The following CAB39 variants were observed in gnomAD, a reference collection of about 807,000 sequenced individuals.
CAB39 encodes calcium-binding protein 39.
CAB39 carries 8 observed loss-of-function variants against 40.0 expected under a neutral mutation model. The ratio of observed to expected loss-of-function variants is 0.20; its 90% CI spans 0.12 to 0.36. CAB39 has a LOEUF of 0.36. Ranked by LOEUF, CAB39 falls within the 10% of genes least tolerant of loss-of-function variation. The probability of loss-of-function intolerance (pLI) is 1.00; values close to 1 mark genes in which losing one functional copy is unlikely to be tolerated. For synonymous variants in CAB39, 156 were observed against 141.6 expected, an observed-to-expected ratio of 1.10 and a Z score of -0.72; for missense variants, 270 against 401.1, an observed-to-expected ratio of 0.67 and a Z score of 2.79.
chr2:230,716,117 A>G (rs1013832923), intron 1 of CAB39, among the ~76,000 whole-genome samples: 3 of 152,150 alleles, frequency 2.0e-5, no homozygotes, highest in Non-Finnish European at 2.9e-5. Context: ...TATTAATAAG[A>G]TCTCTGTTTC....
At chr2:230,747,598 T>C (rs1011002903) in intron 1 of CAB39, among the ~76,000 whole-genome samples, 3 of 152,234 alleles carry the variant, frequency 2.0e-5, no homozygotes, top group African/African-American at 4.8e-5. Context: ...TTTGCAGTTA[T>C]GCATAAATCT....
intron 1 of CAB39, among the ~76,000 whole-genome samples, chr2:230,740,509 G>A (rs556071253): frequency 6.6e-6 from 1 of 152,188 alleles, no homozygotes; most frequent in Admixed American, 6.5e-5. Flanking sequence ...AACCTTTTTG[G>A]CATGAGGGAC....
At chr2:230,778,409 G>A (rs1040570925) in intron 2 of CAB39, among the ~76,000 whole-genome samples, 9 of 152,128 alleles carry the variant, frequency 5.9e-5, no homozygotes, top group Non-Finnish European at 1.2e-4. Flanking sequence ...CTGTCTTCTC[G>A]AGTCTTCTGA....
At chr2:230,746,026 A>G (rs562217217) in intron 1 of CAB39, among the ~76,000 whole-genome samples, 41 of 152,268 alleles carry the variant, frequency 2.7e-4, no homozygotes, top group African/African-American at 9.6e-4. Context: ...CCCTTTGCCT[A>G]TTTGGTCGGG....
intron 2 of CAB39, among the ~76,000 whole-genome samples, chr2:230,781,786 G>C (rs2124945161): frequency 6.6e-6 from 1 of 152,318 alleles, no homozygotes; most frequent in South Asian, 2.1e-4. Context: ...TGGGGCCCTA[G>C]GCATAGTCCC....
intron 2 of CAB39, among the ~76,000 whole-genome samples, chr2:230,772,989 A>T (rs1695513673): frequency 6.6e-6 from 1 of 151,778 alleles, no homozygotes; most frequent in Admixed American, 6.6e-5. Flanking sequence ...CAATAAAAAA[A>T]AAAAAAAAAA....
At chr2:230,756,725 C>T (rs1168154337) in intron 1 of CAB39, among the ~76,000 whole-genome samples, 1 of 151,872 alleles carries the variant, frequency 6.6e-6, no homozygotes, top group Non-Finnish European at 1.5e-5. Context: ...CGGAGTTTCG[C>T]TCTGTCGCCC....
chr2:230,713,542 G>A (rs942752043), intron 1 of CAB39: 1 of 152,460 alleles, frequency 6.6e-6, no homozygotes, highest in African/African-American at 2.4e-5. Context: ...TGGTGGTCCG[G>A]GCCGGAGTCG....
chr2:230,796,593 A>G (rs1695991592), intron 4 of CAB39, among the ~76,000 whole-genome samples: 1 of 152,134 alleles, frequency 6.6e-6, no homozygotes. Flanking sequence ...ATTTCCATCA[A>G]GTAAGAGCCG....
At chr2:230,743,916 C>CTT (rs1184035557) in intron 1 of CAB39, among the ~76,000 whole-genome samples, 2,044 of 127,662 alleles carry the variant, frequency 0.016, 61 homozygotes, top group African/African-American at 0.05. Flanking sequence ...ATACATGATA[C>CTT]TTTTTTTTTT....
At chr2:230,790,730 T>G in intron 2 of CAB39, 142 bp from the exon 3 acceptor site, 3 of 682,166 alleles carry the variant, frequency 4.4e-6, no homozygotes, top group Non-Finnish European at 7.5e-6. Context: ...AGGGCAAGGA[T>G]GGAGCTTGCC....
intron 1 of CAB39, among the ~76,000 whole-genome samples, chr2:230,757,044 A>T (rs949770330): frequency 6.6e-6 from 1 of 152,066 alleles, no homozygotes; most frequent in African/African-American, 2.4e-5. Flanking sequence ...AACTTTACCA[A>T]TGTGTTTGGA....
intron 7 of CAB39, among the ~76,000 whole-genome samples, chr2:230,814,775 ACT>A (rs1251545163): frequency 6.6e-6 from 1 of 152,150 alleles, no homozygotes; most frequent in Non-Finnish European, 1.5e-5. Flanking sequence ...TAAAATATTT[ACT>A]GTTTGGCCCT....
intron 1 of CAB39, among the ~76,000 whole-genome samples, chr2:230,753,533 T>G (rs1441774934): frequency 2.0e-5 from 3 of 152,080 alleles, no homozygotes; most frequent in African/African-American, 7.2e-5. Context: ...GGTGGGTAGA[T>G]CACGAGGTCA....
intron 2 of CAB39, among the ~76,000 whole-genome samples, chr2:230,770,037 G>A (rs1695455108): frequency 6.6e-6 from 1 of 151,900 alleles, no homozygotes; most frequent in African/African-American, 2.4e-5. Context: ...CTTTACTCAG[G>A]GAAATTTCTA....
chr2:230,772,067 A>G (rs1044609121), intron 2 of CAB39, among the ~76,000 whole-genome samples: 42 of 152,362 alleles, frequency 2.8e-4, no homozygotes, highest in African/African-American at 9.6e-4. Context: ...AAAAAAAATG[A>G]TAAATGGAAT....
rs73094719 is a variant in CAB39 at position 230,793,408 on chromosome 2, C to T, written c.398+77C>T. On this transcript the variant is annotated intron_variant, in intron 4 of 8. Transcript: ENST00000258418. The stretch of plus-strand genomic sequence containing the variant: ...TTGCCTTGGGAAAAAAAACAGGATG[C>T]TGAATGTGGGAAGCATTTTCTCTGT... The T allele has an allele frequency of 1.6e-3, 1,014 of 639,292 alleles. 9 individuals are homozygous for T. The African/African-American group carries it at 0.016, about 10-fold the overall frequency. 39.6% of individuals were successfully genotyped at this position (639,292 alleles called of 1,614,324 possible).
intron 1 of CAB39, among the ~76,000 whole-genome samples, chr2:230,715,240 T>C (rs974925242): frequency 6.6e-6 from 1 of 152,250 alleles, no homozygotes; most frequent in South Asian, 2.1e-4. Context: ...CCTGACAAGG[T>C]TGTATTATTT....
chr2:230,801,719 A>G (rs2124969950), intron 5 of CAB39, among the ~76,000 whole-genome samples: 1 of 152,188 alleles, frequency 6.6e-6, no homozygotes, highest in South Asian at 2.1e-4. Flanking sequence ...TGAAAATACA[A>G]AAAATTAGTT....
Sources: gnomAD v4.1 joint callset for allele counts (sites outside exome capture counted in the v4.1 genomes callset) on GRCh38, gnomAD v4.1.1 for gene constraint, MANE v1.5 for transcripts, NCBI Gene and HGNC (gene_info 2026-07-23, HGNC 2026-07-21) for gene names.